DIP2C: variants seen among roughly 807,000 people sequenced by gnomAD.
DIP2C encodes the protein disco-interacting protein 2 homolog C.
Under a neutral mutation model 192.4 loss-of-function variants are expected in DIP2C, and 33 were observed. The ratio of observed to expected loss-of-function variants is 0.17; its 90% CI spans 0.13 to 0.23. DIP2C has a LOEUF of 0.23. Among genes scored for constraint, DIP2C ranks in the 10% least tolerant of loss-of-function variants. The pLI, the probability that DIP2C is intolerant of heterozygous loss-of-function variation, is 1.00. For missense variants in DIP2C, 1,537 were observed against 2,110.1 expected, an observed-to-expected ratio of 0.73 and a Z score of 5.32; for synonymous variants, 979 against 864.1, an observed-to-expected ratio of 1.13 and a Z score of -2.33.
rs1426532757 is a variant in DIP2C, at chr10:345,067, T to C, written c.3275A>G (p.Lys1092Arg). The change falls in exon 27 of 37, where the codon AAG becomes AGG. Residue 1092 changes from lysine (K) to arginine (R), a missense_variant. Around this residue, in one of 4 missense-constraint regions of DIP2C, gnomAD observed 677 missense variants for 989.9 expected, o/e 0.68. Coordinates refer to ENST00000280886, the MANE Select transcript of DIP2C (RefSeq NM_014974.3). The stretch of plus-strand genomic sequence containing the variant: ...CGCCGCCTCCCTGGACCGCAGCAAC[T>C]TACAGATCAGCTGTGTCGTCATCAG... The part of the protein sequence containing the change: ...ACLMTTQLIC[K>R]LLRSREAAAA... The C allele has an allele frequency of 6.2e-7, 1 of 1,613,686 alleles. No individual in the cohort carries two copies. The highest frequency in any genetic ancestry group is 8.5e-7 in the Non-Finnish European group (1 of 1,179,968).
chr10:296,037 T>A (rs561879317), intron 32 of DIP2C, among the ~76,000 whole-genome samples: 2 of 152,298 alleles, frequency 1.3e-5, no homozygotes, highest in African/African-American at 4.8e-5. Context: ...GTCAAATGGG[T>A]TGATTGCAAA....
chr10:510,929 A>G (rs1011688580), intron 1 of DIP2C, among the ~76,000 whole-genome samples: 18 of 152,276 alleles, frequency 1.2e-4, no homozygotes, highest in African/African-American at 4.1e-4. Context: ...GGGCACAAAC[A>G]TGTCACTTGC....
In DIP2C at chr10:440,853, G is replaced by C; in HGVS notation, c.394+18C>G. On this transcript the variant is annotated intron_variant, in intron 4 of 36. Transcript: ENST00000280886. Reference sequence around the variant, plus strand: ...CCCGGCACATTCAGGAGGCCGTGTCGGGGAGCGTGTCCCTTACCTGGAGGG... The same window carrying C: ...CCCGGCACATTCAGGAGGCCGTGTCCGGGAGCGTGTCCCTTACCTGGAGGG... The C allele has an allele frequency of 6.2e-7, 1 of 1,606,628 alleles. No homozygotes were observed. Among genetic ancestry groups the C allele is most frequent in the Non-Finnish European group, 8.5e-7 (1 of 1,177,674 alleles).
intron 1 of DIP2C, among the ~76,000 whole-genome samples, chr10:546,301 A>C (rs1564836948): frequency 6.6e-6 from 1 of 151,634 alleles, no homozygotes; most frequent in Non-Finnish European, 1.5e-5. Context: ...AAAAGTAACA[A>C]ATTTATTTTA....
rs1052758098 is a variant in DIP2C, at chr10:366,165, G to A, written c.2268+110C>T. Reference sequence around the variant, plus strand: ...CCATCGTTTTCATTCATATAAACACGTCTTGCTAAAATGGATCTTACATTC... The same window carrying A: ...CCATCGTTTTCATTCATATAAACACATCTTGCTAAAATGGATCTTACATTC... On this transcript the variant is annotated intron_variant, in intron 19 of 36. Transcript: ENST00000280886. 6.5e-5 allele frequency: 94 copies of A among 1,456,762 alleles called. No homozygotes were observed. In the African/African-American group the frequency reaches 8.9e-4, roughly 14 times the overall value. 90.2% of individuals were successfully genotyped at this position (1,456,762 alleles called of 1,614,324 possible).
At chr10:340,959 G>A (rs560344982) in intron 29 of DIP2C, 58 of 620,116 alleles carry the variant, frequency 9.4e-5, no homozygotes, top group South Asian at 8.3e-4. Flanking sequence ...ATAAAGGTCC[G>A]CAACAGACGG....
chr10:566,798 G>C (rs764308390), intron 1 of DIP2C, among the ~76,000 whole-genome samples: 2 of 152,218 alleles, frequency 1.3e-5, no homozygotes, highest in Admixed American at 6.5e-5. Context: ...TGGCTCACAG[G>C]CACCATGCGG....
chr10:517,117 C>T (rs1300769316), intron 1 of DIP2C, among the ~76,000 whole-genome samples: 1 of 151,962 alleles, frequency 6.6e-6, no homozygotes, highest in Admixed American at 6.5e-5. Flanking sequence ...TTGGCCCCTC[C>T]ATCCCACCAG....
chr10:511,938 T>A (rs1588349841), intron 1 of DIP2C, among the ~76,000 whole-genome samples: 2 of 152,338 alleles, frequency 1.3e-5, no homozygotes, highest in East Asian at 3.9e-4. Flanking sequence ...TGCTGCTGCC[T>A]GGCTGGCCGA....
intron 1 of DIP2C, among the ~76,000 whole-genome samples, chr10:597,898 C>T (rs147359909): frequency 9.2e-4 from 140 of 152,294 alleles, no homozygotes; most frequent in African/African-American, 3.1e-3. Context: ...GAGGTCTGAA[C>T]GTGGACCTGG....
At position 571,746 on chromosome 10, in the gene DIP2C, C is replaced by T. The variant is rs116786654; in HGVS notation, c.86-85216G>A. Among the ~76,000 whole-genome samples, 364 of 152,322 alleles carry T rather than the reference C, an allele frequency of 2.4e-3. 4 individuals are homozygous for T. The highest frequency in any genetic ancestry group is 8.2e-3 in the African/African-American group (342 of 41,556). ...CCGTGTCCACTCAGTGTCCTCACGG[C>T]GCTGGTGCCCAGCAGTATGGCTGTG... On this transcript the variant is annotated intron_variant, in intron 1 of 36. Transcript: ENST00000280886.
At chr10:525,983 T>C (rs1238471633) in intron 1 of DIP2C, among the ~76,000 whole-genome samples, 3 of 152,202 alleles carry the variant, frequency 2.0e-5, no homozygotes, top group Non-Finnish European at 2.9e-5. Flanking sequence ...ACACAGGCAG[T>C]GGAACCCCCG....
At position 532,734 on chromosome 10, in the gene DIP2C, GGTGTGAGAGAGAGTATGGGT is replaced by G. The variant is rs1847479036; in HGVS notation, c.86-46224_86-46205del. Among the ~76,000 whole-genome samples, 7 of 111,910 alleles carry G rather than the reference GGTGTGAGAGAGAGTATGGGT, an allele frequency of 6.3e-5. 1 individual carries two copies. The highest frequency in any genetic ancestry group is 4.6e-4 in the Admixed American group (5 of 10,770). 73.4% of individuals were successfully genotyped at this position (111,910 alleles called of 152,430 possible). On this transcript the variant is annotated intron_variant, in intron 1 of 36. Coordinates refer to ENST00000280886, the MANE Select transcript of DIP2C (RefSeq NM_014974.3). ...GAGTATGGGTGTGAGAGAGAGTATG[GGTGTGAGAGAGAGTATGGGT>G]GTGTGAGAGAGTATGGGTGTGTGAG...
chr10:395,935 C>T (rs943224592), intron 10 of DIP2C, among the ~76,000 whole-genome samples: 2 of 152,186 alleles, frequency 1.3e-5, no homozygotes, highest in African/African-American at 4.8e-5. Context: ...TCCCTGCCCT[C>T]GGACCACAGA....
chr10:509,759 A>T (rs1845884989), intron 1 of DIP2C, among the ~76,000 whole-genome samples: 2 of 152,188 alleles, frequency 1.3e-5, no homozygotes, highest in South Asian at 4.1e-4. Flanking sequence ...CCTGGAGAGC[A>T]GCTTGGAGAG....
chr10:470,140 A>G (rs921274249), intron 3 of DIP2C, among the ~76,000 whole-genome samples: 1 of 152,200 alleles, frequency 6.6e-6, no homozygotes, highest in Non-Finnish European at 1.5e-5. Context: ...AGAGAGGTTG[A>G]TAAATGGATG....
rs551804486 is a variant in DIP2C at position 600,412 on chromosome 10, G to A, written c.85+89082C>T. Among the ~76,000 whole-genome samples, 249 of 141,544 alleles carry A rather than the reference G, an allele frequency of 1.8e-3. 2 individuals are homozygous for A. The highest frequency in any genetic ancestry group is 6.0e-3 in the African/African-American group (234 of 39,270). 92.9% of individuals were successfully genotyped at this position (141,544 alleles called of 152,430 possible). ...GAACATGGAGGTGACTGAGCAGCAA[G>A]TGGGACGGCCACGACAGCCCAGGGT... On this transcript the variant is annotated intron_variant, in intron 1 of 36. Coordinates refer to ENST00000280886, the MANE Select transcript of DIP2C (RefSeq NM_014974.3).
intron 1 of DIP2C, among the ~76,000 whole-genome samples, chr10:563,302 G>A (rs757802586): frequency 1.3e-5 from 2 of 152,158 alleles, no homozygotes; most frequent in African/African-American, 2.4e-5. Flanking sequence ...ACTGAAAGCA[G>A]CACGTATTTT....
intron 5 of DIP2C, among the ~76,000 whole-genome samples, chr10:422,132 C>T (rs1966230458): frequency 6.6e-6 from 1 of 152,330 alleles, no homozygotes; most frequent in Non-Finnish European, 1.5e-5. Context: ...ACGTGGTAAG[C>T]AGTCGTCTCC....
Sources: allele counts gnomAD v4.1 joint callset (sites outside exome capture counted in the v4.1 genomes callset), GRCh38; gene constraint gnomAD v4.1.1; regional missense constraint gnomAD v4.1.1; transcripts MANE v1.5; gene names NCBI Gene and HGNC (gene_info 2026-07-23, HGNC 2026-07-21).